Variants in ASTN2 observed in about 807,000 individuals in gnomAD.
The protein encoded by ASTN2 is astrotactin 2, also known as astrotactin-2.
Under a neutral mutation model 139.8 loss-of-function variants are expected in ASTN2, and 54 were observed. The ratio of observed to expected loss-of-function variants is 0.39; its 90% CI spans 0.31 to 0.48. The LOEUF (loss-of-function observed/expected upper bound fraction) is 0.48. ASTN2 is among the 20% of genes least tolerant of loss of function. The pLI is 0.95. For synonymous variants in ASTN2, 756 were observed against 719.5 expected (o/e 1.05, Z -0.81); for missense variants, 1,565 against 1,725.1 (o/e 0.91, Z 1.64).
intron 20 of ASTN2, among the ~76,000 whole-genome samples, chr9:116,476,784 C>A (rs913061212): frequency 1.3e-5 from 2 of 152,136 alleles, no homozygotes; most frequent in African/African-American, 4.8e-5. Flanking sequence ...TGTGTGGACT[C>A]CATCCTTCCC....
chr9:116,958,134 C>G (rs562864232), intron 10 of ASTN2, among the ~76,000 whole-genome samples: 1 of 152,280 alleles, frequency 6.6e-6, no homozygotes, highest in African/African-American at 2.4e-5. Context: ...ATTATTTTTA[C>G]TTTGTAATTA....
At chr9:117,353,050 T>A (rs1200088819) in intron 1 of ASTN2, among the ~76,000 whole-genome samples, 1 of 151,656 alleles carries the variant, frequency 6.6e-6, no homozygotes, top group East Asian at 1.9e-4. Context: ...TTGCAGAGAG[T>A]TTTTATTTGG....
At chr9:117,294,050 C>T (rs983631225) in intron 1 of ASTN2, among the ~76,000 whole-genome samples, 1 of 152,216 alleles carries the variant, frequency 6.6e-6, no homozygotes, top group South Asian at 2.1e-4. Context: ...TCTCTCCAGC[C>T]TGTGCCTGAA....
intron 7 of ASTN2, among the ~76,000 whole-genome samples, chr9:116,997,026 A>T (rs1021059565): frequency 6.6e-6 from 1 of 152,124 alleles, no homozygotes; most frequent in Non-Finnish European, 1.5e-5. Flanking sequence ...ATCATCAGAA[A>T]TACCTGAGGC....
intron 13 of ASTN2, among the ~76,000 whole-genome samples, chr9:116,783,447 C>T (rs1281087028): frequency 6.6e-6 from 1 of 151,474 alleles, no homozygotes; most frequent in Non-Finnish European, 1.5e-5. Flanking sequence ...ACTGGGCATA[C>T]AAATAAACAT....
chr9:116,455,798 A>G (rs1042348626), intron 20 of ASTN2, among the ~76,000 whole-genome samples: 8 of 152,052 alleles, frequency 5.3e-5, no homozygotes, highest in African/African-American at 1.7e-4. Context: ...CTATTTTTGT[A>G]GAGACATAAT....
At chr9:117,120,018 G>GTATATA (rs200361826) in intron 4 of ASTN2, among the ~76,000 whole-genome samples, 621 of 45,948 alleles carry the variant, frequency 0.014, 14 homozygotes, top group Admixed American at 0.048. Flanking sequence ...GTGTGTGTGT[G>GTATATA]TATATATATA....
intron 2 of ASTN2, among the ~76,000 whole-genome samples, chr9:117,243,026 A>G (rs1018711648): frequency 6.6e-6 from 1 of 152,224 alleles, no homozygotes; most frequent in African/African-American, 2.4e-5. Flanking sequence ...TAATTTATTA[A>G]GAGTCTTCCA....
chr9:116,849,120 C>T lies in ASTN2; in HGVS notation c.2040+14463G>A, dbSNP rs73655500. On this transcript the variant is annotated intron_variant, in intron 11 of 22. Transcript: ENST00000313400. ...ACAGGGCAAATAATGTGGGAAGAGGCACGGAGTTTCCATGCCCTGTCTGAG... is the reference window on the plus strand; with the variant it reads ...ACAGGGCAAATAATGTGGGAAGAGGTACGGAGTTTCCATGCCCTGTCTGAG... 2.3e-3 allele frequency among the ~76,000 whole-genome samples: 346 copies of T among 152,274 alleles called. 2 individuals are homozygous for T. Among genetic ancestry groups the T allele is most frequent in the African/African-American group, 7.8e-3 (324 of 41,548 alleles).
chr9:116,580,258 G>C (rs1357632482), intron 19 of ASTN2, among the ~76,000 whole-genome samples: 2 of 152,346 alleles, frequency 1.3e-5, no homozygotes, highest in Non-Finnish European at 2.9e-5. Context: ...CAGAGCAGAA[G>C]AGGCAGAGGT....
At chr9:117,336,769 G>A (rs1007515537) in intron 1 of ASTN2, among the ~76,000 whole-genome samples, 4 of 152,076 alleles carry the variant, frequency 2.6e-5, no homozygotes, top group Non-Finnish European at 5.9e-5. Context: ...CTTCCCATAT[G>A]GCCCCACCCC....
chr9:116,618,315 T>A lies in ASTN2; in HGVS notation c.3355+9A>T, dbSNP rs200479992. 1 of 1,610,658 alleles carries A rather than the reference T, an allele frequency of 6.2e-7. No homozygotes were observed. The highest frequency in any genetic ancestry group is 8.5e-7 in the Non-Finnish European group (1 of 1,178,886). ...ACTATCCCAAGAAAATGGGAACTCA[T>A]GTACCTACCTGTGTACAGGTCAGTG... is the stretch of plus-strand genomic sequence containing the variant. On this transcript the variant is annotated intron_variant, in intron 19 of 22. Coordinates refer to ENST00000313400, the MANE Select transcript of ASTN2 (RefSeq NM_001365068.1).
intron 16 of ASTN2, among the ~76,000 whole-genome samples, chr9:116,694,909 G>T (rs1157240277): frequency 6.6e-6 from 1 of 152,058 alleles, no homozygotes; most frequent in Non-Finnish European, 1.5e-5. Context: ...TTTTGCTGAG[G>T]TATGGATTTG....
intron 10 of ASTN2, among the ~76,000 whole-genome samples, chr9:116,902,045 T>C (rs1456576128): frequency 2.0e-5 from 3 of 152,024 alleles, no homozygotes; most frequent in Admixed American, 6.6e-5. Flanking sequence ...AATAAATAAA[T>C]AAACAAACAT....
intron 12 of ASTN2, among the ~76,000 whole-genome samples, chr9:116,817,932 A>G (rs985704401): frequency 6.6e-6 from 1 of 152,222 alleles, no homozygotes; most frequent in African/African-American, 2.4e-5. Flanking sequence ...GCCAGAGGTC[A>G]GCAATGACAT....
At chr9:116,970,395 C>T (rs776546568) in intron 10 of ASTN2, among the ~76,000 whole-genome samples, 2 of 152,284 alleles carry the variant, frequency 1.3e-5, no homozygotes, top group Admixed American at 1.3e-4. Flanking sequence ...TGACTTCCTG[C>T]TAACACTTCA....
Position 117,095,078 on chromosome 9 carries a change from G to C in ASTN2, c.1276+966C>G, listed in dbSNP as rs569203424. 2.6e-5 allele frequency among the ~76,000 whole-genome samples: 4 copies of C among 152,312 alleles called. No homozygotes were observed. The South Asian group carries it at 8.3e-4, about 32-fold the overall frequency. Reference sequence around the variant, plus strand: ...TCAGCACACCTCTTTGTGGAGGTAGGAGAGAAGGACCAGTTTCCCTGCCAC... The same window carrying C: ...TCAGCACACCTCTTTGTGGAGGTAGCAGAGAAGGACCAGTTTCCCTGCCAC... On this transcript the variant is annotated intron_variant, in intron 5 of 22. Coordinates refer to ENST00000313400, the MANE Select transcript of ASTN2 (RefSeq NM_001365068.1).
intron 6 of ASTN2, among the ~76,000 whole-genome samples, chr9:117,026,130 A>G (rs144156699): frequency 6.2e-4 from 94 of 151,590 alleles, no homozygotes; most frequent in South Asian, 1.5e-3. Flanking sequence ...AAATCTAAAT[A>G]TGTAGCCAAG....
chr9:117,225,574 T>TATATAC lies in ASTN2; in HGVS notation c.631-10833_631-10832insGTATAT, dbSNP rs371374987. ...ATATATATATATATATATATATATA[T>TATATAC]ACAGATGAACCCAAGTGGCCAGAGA... On this transcript the variant is annotated intron_variant, in intron 2 of 22. Transcript: ENST00000313400. Among the ~76,000 whole-genome samples, 768 of 77,866 alleles carry TATATAC rather than the reference T, an allele frequency of 9.9e-3. 56 individuals are homozygous for TATATAC. The highest frequency in any genetic ancestry group is 0.021 in the South Asian group (40 of 1,874). The allele number at this position is 77,866 out of a possible 152,430, so 51.1% of individuals were successfully genotyped here. A position where few individuals can be genotyped will look rare whatever the true frequency, so the allele number is the denominator to read the frequency against.
Sources: allele counts gnomAD v4.1 joint callset (sites outside exome capture counted in the v4.1 genomes callset), GRCh38; gene constraint gnomAD v4.1.1; transcripts MANE v1.5; gene names NCBI Gene and HGNC (gene_info 2026-07-23, HGNC 2026-07-21).